Variants in ZFAND3 observed in about 807,000 individuals in gnomAD.
ZFAND3 encodes AN1-type zinc finger protein 3.
A neutral mutation model predicts 29.6 loss-of-function variants in ZFAND3; 10 were observed. That is an observed-to-expected ratio of 0.34 (90% CI 0.21 to 0.57). The LOEUF (loss-of-function observed/expected upper bound fraction) is 0.57. Ranked by LOEUF, ZFAND3 falls within the 20% of genes least tolerant of loss-of-function variation. The probability of loss-of-function intolerance (pLI) is 0.86; values close to 1 mark genes in which losing one functional copy is unlikely to be tolerated. For missense variants in ZFAND3, 230 were observed against 304.5 expected (o/e 0.76, Z 1.82); for synonymous variants, 128 against 112.6 (o/e 1.14, Z -0.87).
intron 1 of ZFAND3, among the ~76,000 whole-genome samples, chr6:37,822,037 G>A (rs1341699217): frequency 6.6e-6 from 1 of 152,178 alleles, no homozygotes; most frequent in Non-Finnish European, 1.5e-5. Context: ...ATTTTGCCAT[G>A]TTGGCTAAGG....
At chr6:38,018,503 C>T (rs1484608259) in intron 2 of ZFAND3, among the ~76,000 whole-genome samples, 2 of 152,038 alleles carry the variant, frequency 1.3e-5, no homozygotes, top group African/African-American at 4.8e-5. Flanking sequence ...GCTAAATCTC[C>T]CACCTGCTCC....
At chr6:38,119,581 C>G (rs1488173713) in intron 5 of ZFAND3, among the ~76,000 whole-genome samples, 1 of 152,072 alleles carries the variant, frequency 6.6e-6, no homozygotes, top group African/African-American at 2.4e-5. Context: ...TTGTAGCATT[C>G]GATGCCTAGA....
Position 38,154,523 on chromosome 6 carries a change from G to C in ZFAND3, c.*2134G>C, listed in dbSNP as rs1766312577. 1.0e-6 allele frequency: 1 copy of C among 980,558 alleles called. No individual in the cohort carries two copies. Among genetic ancestry groups the C allele is most frequent in the South Asian group, 4.7e-5 (1 of 21,188 alleles). 60.7% of individuals were successfully genotyped at this position (980,558 alleles called of 1,614,324 possible). On this transcript the variant is annotated 3_prime_UTR_variant, in exon 6 of 6. Coordinates refer to ENST00000287218, the MANE Select transcript of ZFAND3 (RefSeq NM_021943.3). ...TAGATTTACTTACACACATAGCCTA[G>C]AGCTCAGTTTTAGTTTTAACATTGT...
intron 1 of ZFAND3, among the ~76,000 whole-genome samples, chr6:37,822,095 A>C (rs1282501081): frequency 6.6e-6 from 1 of 152,202 alleles, no homozygotes; most frequent in Non-Finnish European, 1.5e-5. Flanking sequence ...TTGGACTCCC[A>C]AAGTGCTGGG....
rs538137260 is a variant in ZFAND3 at position 37,993,537 on chromosome 6, G to C, written c.112+63538G>C. Among the ~76,000 whole-genome samples, 354 of 152,172 alleles carry C rather than the reference G, an allele frequency of 2.3e-3. 3 individuals carry two copies. The highest frequency in any genetic ancestry group is 8.2e-3 in the African/African-American group (339 of 41,480). On this transcript the variant is annotated intron_variant, in intron 2 of 5. Coordinates refer to ENST00000287218, the MANE Select transcript of ZFAND3 (RefSeq NM_021943.3). Reference sequence around the variant, plus strand: ...AGATGGGGTTTCACCATGTTGGCCAGGCTGGTCTTGAACTCCTGACCTCAA... The same window carrying C: ...AGATGGGGTTTCACCATGTTGGCCACGCTGGTCTTGAACTCCTGACCTCAA...
At chr6:38,009,243 C>A (rs570078890) in intron 2 of ZFAND3, among the ~76,000 whole-genome samples, 1 of 152,254 alleles carries the variant, frequency 6.6e-6, no homozygotes, top group African/African-American at 2.4e-5. Context: ...AGTGTGTGAT[C>A]TCTGATGCCA....
At chr6:37,982,103 C>T (rs970990700) in intron 2 of ZFAND3, among the ~76,000 whole-genome samples, 2 of 151,920 alleles carry the variant, frequency 1.3e-5, no homozygotes, top group East Asian at 1.9e-4. Context: ...ATCAGATGTG[C>T]GTTTGTCTCA....
intron 1 of ZFAND3, among the ~76,000 whole-genome samples, chr6:37,908,542 T>TAAAAAAA (rs70981504): frequency 1.6e-5 from 2 of 124,122 alleles, no homozygotes; most frequent in Non-Finnish European, 3.3e-5. Context: ...AAAAAAAAAT[T>TAAAAAAA]AAAAAAAAAA....
At chr6:38,074,068 A>C (rs561109932) in intron 3 of ZFAND3, among the ~76,000 whole-genome samples, 32 of 152,304 alleles carry the variant, frequency 2.1e-4, no homozygotes, top group African/African-American at 7.5e-4. Flanking sequence ...ATTGGATCTT[A>C]TATTAACCTT....
At chr6:38,146,311 C>G (rs370504913) in intron 5 of ZFAND3, among the ~76,000 whole-genome samples, 145 of 152,332 alleles carry the variant, frequency 9.5e-4, no homozygotes, top group African/African-American at 3.1e-3. Context: ...TAGTCCTGCT[C>G]TCTCTCTTCC....
intron 2 of ZFAND3, among the ~76,000 whole-genome samples, chr6:38,038,159 T>C (rs1302015685): frequency 1.3e-5 from 2 of 152,170 alleles, no homozygotes; most frequent in Admixed American, 1.3e-4. Context: ...GCCTCTAGTC[T>C]TTCACATCTT....
chr6:38,097,726 A>G (rs915647460), intron 4 of ZFAND3, among the ~76,000 whole-genome samples: 1 of 152,188 alleles, frequency 6.6e-6, no homozygotes, highest in African/African-American at 2.4e-5. Flanking sequence ...TAGATAATAG[A>G]GATGTAGACA....
chr6:38,137,644 TATG>T (rs1765867636), intron 5 of ZFAND3, among the ~76,000 whole-genome samples: 1 of 151,920 alleles, frequency 6.6e-6, no homozygotes, highest in Non-Finnish European at 1.5e-5. Flanking sequence ...GAGCAGGAGA[TATG>T]ATGTAATAAA....
chr6:38,019,569 T>C (rs1763310900), intron 2 of ZFAND3, among the ~76,000 whole-genome samples: 1 of 152,182 alleles, frequency 6.6e-6, no homozygotes, highest in Non-Finnish European at 1.5e-5. Context: ...GTCTTTACTT[T>C]TATGGCTTCT....
chr6:37,977,217 C>T (rs993759329), intron 2 of ZFAND3, among the ~76,000 whole-genome samples: 11 of 152,134 alleles, frequency 7.2e-5, no homozygotes, highest in Admixed American at 5.9e-4. Flanking sequence ...GGTCTGTCAT[C>T]GACTGAAATG....
intron 5 of ZFAND3, among the ~76,000 whole-genome samples, chr6:38,133,298 G>A (rs1017564935): frequency 3.3e-5 from 5 of 152,154 alleles, no homozygotes; most frequent in African/African-American, 7.2e-5. Context: ...AGTGCCTGGC[G>A]TGCGGTGACA....
intron 5 of ZFAND3, among the ~76,000 whole-genome samples, chr6:38,121,856 A>G (rs77920769): frequency 2.0e-5 from 3 of 152,270 alleles, no homozygotes; most frequent in East Asian, 3.9e-4. Context: ...CTATAAACCA[A>G]TCTGTGGGAA....
chr6:37,857,079 A>G lies in ZFAND3; in HGVS notation c.71+37063A>G, dbSNP rs185387963. Among the ~76,000 whole-genome samples the G allele has an allele frequency of 5.3e-5, 8 of 152,214 alleles. No homozygotes were observed. The East Asian group carries it at 1.5e-3, about 29-fold the overall frequency. On this transcript the variant is annotated intron_variant, in intron 1 of 5. Coordinates refer to ENST00000287218, the MANE Select transcript of ZFAND3 (RefSeq NM_021943.3). Reference sequence around the variant, plus strand: ...CACTTCAGCCTCCCCAATAGCTGGGACCACTGACAAACGCCACCATGTCTG... The same window carrying G: ...CACTTCAGCCTCCCCAATAGCTGGGGCCACTGACAAACGCCACCATGTCTG...
At chr6:38,138,087 G>C (rs1030859208) in intron 5 of ZFAND3, among the ~76,000 whole-genome samples, 2 of 152,086 alleles carry the variant, frequency 1.3e-5, no homozygotes, top group Non-Finnish European at 2.9e-5. Flanking sequence ...GGAGGTGGGA[G>C]TATCAGTTGA....
Sources: allele counts gnomAD v4.1 joint callset (sites outside exome capture counted in the v4.1 genomes callset), GRCh38; gene constraint gnomAD v4.1.1; transcripts MANE v1.5; gene names NCBI Gene and HGNC (gene_info 2026-07-23, HGNC 2026-07-21).